The following SFSWAP variants were observed in gnomAD, a reference collection of about 807,000 sequenced individuals.
SFSWAP encodes the protein splicing factor, suppressor of white-apricot homolog.
In SFSWAP, 17 loss-of-function variants were observed where a neutral mutation model predicts 100.7. That is an observed-to-expected ratio of 0.17 (90% CI 0.12 to 0.25). The LOEUF (loss-of-function observed/expected upper bound fraction) is 0.25. Ranked by LOEUF, SFSWAP falls within the 10% of genes least tolerant of loss-of-function variation. SFSWAP has a pLI of 1.00. For synonymous variants in SFSWAP, 504 were observed against 510.1 expected (o/e 0.99, Z 0.16); for missense variants, 1,005 against 1,262.6 (o/e 0.80, Z 3.09).
At position 131,730,855 on chromosome 12, in the gene SFSWAP, C is replaced by T. The variant is rs1030214369; in HGVS notation, c.1081+2427C>T. Among the ~76,000 whole-genome samples the T allele has an allele frequency of 6.6e-6, 1 of 152,180 alleles. No individual in the cohort carries two copies. The highest frequency in any genetic ancestry group is 1.5e-5 in the Non-Finnish European group (1 of 68,018). ...TCAATACGGTGCCGTTGTTTTGAAA[C>T]TCATCGTCTCCCCTCGACACAGCAA... is the stretch of plus-strand genomic sequence containing the variant. On this transcript the variant is annotated intron_variant, in intron 7 of 17. Transcript: ENST00000261674. This position sits in a 1 kb window ranked among gnomAD's most constrained non-coding sequence, Gnocchi z 4.0.
Position 131,725,350 on chromosome 12 carries a change from T to C in SFSWAP, c.607-55T>C. On this transcript the variant is annotated intron_variant, in intron 4 of 17. Transcript: ENST00000261674. The surrounding 1 kb of genome is among the most constrained non-coding windows in gnomAD (Gnocchi z 4.3). ...ATTTCTATGTTTTAATGAAATCACG[T>C]GGCCGGTGGACAAGAGGACAAATGG... 1 of 1,389,632 alleles carries C rather than the reference T, an allele frequency of 7.2e-7. No individual in the cohort carries two copies. Among genetic ancestry groups the C allele is most frequent in the Admixed American group, 1.7e-5 (1 of 59,552 alleles). The allele number at this position is 1,389,632 out of a possible 1,614,324, so 86.1% of individuals were successfully genotyped here.
intron 16 of SFSWAP, 98 bp downstream of exon 16, chr12:131,797,458 C>T: frequency 8.7e-7 from 1 of 1,153,674 alleles, no homozygotes; most frequent in South Asian, 1.6e-5. Flanking sequence ...TCAGTACTCG[C>T]CTGTGTCCAG....
intron 13 of SFSWAP, among the ~76,000 whole-genome samples, chr12:131,770,659 T>C (rs1330148169): frequency 1.3e-5 from 2 of 152,196 alleles, no homozygotes; most frequent in East Asian, 3.8e-4. Context: ...CTTTTTAAAA[T>C]TCCTCCAATT....
At chr12:131,738,893 TTTTTTTTTTTTTTTTTGA>T (rs1880316414) in intron 7 of SFSWAP, among the ~76,000 whole-genome samples, 1 of 111,222 alleles carries the variant, frequency 9.0e-6, no homozygotes, top group African/African-American at 3.1e-5. Flanking sequence ...TTCTTTTTTT[TTTTTTTTTTTTTTTTTGA>T]GACAGGGTCT....
chr12:131,731,094 G>A (rs1470054639), intron 7 of SFSWAP, among the ~76,000 whole-genome samples: 1 of 152,194 alleles, frequency 6.6e-6, no homozygotes, highest in African/African-American at 2.4e-5. Context: ...GGTGGGGGAG[G>A]TGTCCTCATC....
rs1171742318 is a variant in SFSWAP at position 131,766,278 on chromosome 12, G to A, written c.2112G>A (p.Gly704=). Residue 704 remains glycine, a synonymous_variant, in exon 13 of 18, where the codon GGG becomes GGA. Coordinates refer to ENST00000261674, the MANE Select transcript of SFSWAP (RefSeq NM_004592.4). ...ATCCTCTGCCGGAAGCAGAAGCTGG[G>A]AAAATTGAGGAGAGTCCTTTCAGTG... ...LKNPLPEAEA[G]KIEESPFSVE... 1 of 1,614,054 alleles carries A rather than the reference G, an allele frequency of 6.2e-7. No individual in the cohort carries two copies.
At position 131,753,223 on chromosome 12, in the gene SFSWAP, C is replaced by G. The variant is rs777236273; in HGVS notation, c.1182C>G (p.Ser394Arg). ...GAATCGACGTGACTACTTACTACAG[C>G]ACCCTTCCTGCTGGCGTGACCGTGT... is the stretch of plus-strand genomic sequence containing the variant. ...PPGIDVTTYY[S>R]TLPAGVTVSN... The change falls in exon 8 of 18, where the codon AGC (serine) becomes AGG (arginine). Residue 394 changes from serine (S) to arginine (R), a missense_variant. Around this residue, in one of 7 missense-constraint regions of SFSWAP, gnomAD observed 311 missense variants for 317.8 expected, o/e 0.98. Transcript: ENST00000261674. 2 of 1,614,222 alleles carry G rather than the reference C, an allele frequency of 1.2e-6. No homozygotes were observed. Among genetic ancestry groups the G allele is most frequent in the Admixed American group, 3.3e-5 (2 of 60,036 alleles).
intron 7 of SFSWAP, among the ~76,000 whole-genome samples, chr12:131,744,283 C>T (rs899929954): frequency 6.6e-6 from 1 of 152,236 alleles, no homozygotes; most frequent in African/African-American, 2.4e-5. Flanking sequence ...GACCTTTATG[C>T]TGTGTTTCCT....
At chr12:131,775,209 G>A (rs1200556586) in intron 13 of SFSWAP, among the ~76,000 whole-genome samples, 2 of 152,192 alleles carry the variant, frequency 1.3e-5, no homozygotes, top group Non-Finnish European at 2.9e-5. Flanking sequence ...GAAAAAGACA[G>A]CAAAGACGTG....
intron 7 of SFSWAP, among the ~76,000 whole-genome samples, chr12:131,736,010 G>A (rs1879983126): frequency 6.6e-6 from 1 of 152,182 alleles, no homozygotes; most frequent in Admixed American, 6.5e-5. Flanking sequence ...GAAGAGACGC[G>A]CCTTCTCCCC....
At chr12:131,798,350 C>T (rs1885823605) in intron 16 of SFSWAP, among the ~76,000 whole-genome samples, 1 of 152,094 alleles carries the variant, frequency 6.6e-6, no homozygotes, top group Non-Finnish European at 1.5e-5. Flanking sequence ...GGAGGCTGAG[C>T]ATCGCTGCGG....
chr12:131,799,654 C>T lies in SFSWAP; in HGVS notation c.*166C>T. On this transcript the variant is annotated 3_prime_UTR_variant, in exon 18 of 18. Transcript: ENST00000261674. ...TTTTAAGATTTCTGACCAGCAGTCT[C>T]TTACCTGTATATTTGTAAATATATC... The T allele has an allele frequency of 1.7e-6, 1 of 605,844 alleles. No individual in the cohort carries two copies. Among genetic ancestry groups the T allele is most frequent in the Non-Finnish European group, 2.9e-6 (1 of 342,376 alleles). 37.5% of individuals were successfully genotyped at this position (605,844 alleles called of 1,614,324 possible).
At chr12:131,721,937 A>T (rs992996581) in intron 4 of SFSWAP, among the ~76,000 whole-genome samples, 3 of 152,136 alleles carry the variant, frequency 2.0e-5, no homozygotes, top group African/African-American at 7.2e-5. Context: ...CATTCTCATA[A>T]TTATTATGTG....
chr12:131,713,869 A>G lies in SFSWAP; in HGVS notation c.219-202A>G, dbSNP rs895154784. The G allele has an allele frequency of 1.8e-5, 7 of 379,084 alleles. No homozygotes were observed. In the South Asian group the frequency reaches 6.4e-4, roughly 34 times the overall value. 23.5% of individuals were successfully genotyped at this position (379,084 alleles called of 1,614,324 possible). ...AAGGAATTTAGAGTTTGTTAAGATA[A>G]CTTGAGTTTAAAAGTAGGTGAGATA... On this transcript the variant is annotated intron_variant, in intron 1 of 17. Coordinates refer to ENST00000261674, the MANE Select transcript of SFSWAP (RefSeq NM_004592.4).
chr12:131,775,771 T>A (rs1039929348), intron 13 of SFSWAP, among the ~76,000 whole-genome samples: 8 of 151,996 alleles, frequency 5.3e-5, no homozygotes, highest in African/African-American at 1.9e-4. Context: ...TCATTGGACG[T>A]TTGTGTGTTA....
Position 131,778,253 on chromosome 12 carries a change from A to T in SFSWAP, c.2331A>T (p.Ser777=). The T allele has an allele frequency of 6.2e-7, 1 of 1,614,220 alleles. No homozygotes were observed. Among genetic ancestry groups the T allele is most frequent in the Non-Finnish European group, 8.5e-7 (1 of 1,180,040 alleles). ...CACGTTCTCCCAAGTACCATTCGTC[A>T]TCCAAGTCCAGGTCTAGATCACACT... is the stretch of plus-strand genomic sequence containing the variant. ...TRSRSPKYHS[S]SKSRSRSHSK... The change falls in exon 14 of 18, where the codon TCA becomes TCT. Residue 777 remains serine (S), a synonymous_variant. Transcript: ENST00000261674. The surrounding 1 kb of genome is among the most constrained non-coding windows in gnomAD (Gnocchi z 4.2).
rs1881828950 is a variant in SFSWAP at position 131,753,265 on chromosome 12, G to A, written c.1224G>A (p.Val408=). The A allele has an allele frequency of 2.5e-6, 4 of 1,614,140 alleles. No individual in the cohort carries two copies. Among genetic ancestry groups the A allele is most frequent in the East Asian group, 2.2e-5 (1 of 44,880 alleles). Residue 408 remains valine (V), a synonymous_variant, in exon 8 of 18, where the codon GTG becomes GTA. Coordinates refer to ENST00000261674, the MANE Select transcript of SFSWAP (RefSeq NM_004592.4). ...TGACCGTGTCTAACTCCCCTGGAGTGACGACCACCGCCCCACCACCTCCTG... is the reference window on the plus strand; with the variant it reads ...TGACCGTGTCTAACTCCCCTGGAGTAACGACCACCGCCCCACCACCTCCTG... The part of the protein sequence containing the change: ...AGVTVSNSPG[V]TTTAPPPPGT...
At chr12:131,783,821 T>TATATATATATATATATATAA (rs57488564) in intron 14 of SFSWAP, 8 of 131,664 alleles carry the variant, frequency 6.1e-5, no homozygotes, top group East Asian at 2.7e-4. Flanking sequence ...TATATATATA[T>TATATATATATATATATATAA]AATTCTTTGT....
intron 5 of SFSWAP, 80 bp from the exon 6 acceptor site, chr12:131,726,860 G>A: frequency 1.1e-6 from 1 of 878,754 alleles, no homozygotes; most frequent in Non-Finnish European, 1.9e-6. Flanking sequence ...TAACTTGGCT[G>A]CTTCTAAGTT....
Sources: gnomAD v4.1 joint callset for allele counts (sites outside exome capture counted in the v4.1 genomes callset) on GRCh38, gnomAD v4.1.1 for gene constraint, gnomAD v4.1.1 regional missense constraint, Gnocchi (gnomAD v3.1) non-coding constraint, MANE v1.5 for transcripts, NCBI Gene and HGNC (gene_info 2026-07-23, HGNC 2026-07-21) for gene names.